DNAJC8: variants seen among roughly 807,000 people sequenced by gnomAD.
The protein encoded by DNAJC8 is dnaJ homolog subfamily C member 8.
DNAJC8 carries 24 observed loss-of-function variants against 43.2 expected under a neutral mutation model. The observed-to-expected ratio is 0.56, with a 90% CI of 0.40 to 0.78. The LOEUF (loss-of-function observed/expected upper bound fraction) is 0.78, where lower values mean the gene tolerates loss of function less well. DNAJC8 is among the 30% of genes least tolerant of loss of function. The pLI is 0.00. For synonymous variants in DNAJC8, 83 were observed against 98.0 expected, an observed-to-expected ratio of 0.85 and a Z score of 0.90; for missense variants, 207 against 299.4, an observed-to-expected ratio of 0.69 and a Z score of 2.28.
chr1:28,200,392 A>G lies in DNAJC8; in HGVS notation c.*856T>C. The stretch of plus-strand genomic sequence containing the variant: ...CTATGGTAGTTACCTTGTATATGCC[A>G]TGGCAAATCTGCCCTAAAAGCTGCT... On this transcript the variant is annotated 3_prime_UTR_variant, in exon 9 of 9. Transcript: ENST00000263697. The G allele has an allele frequency of 2.3e-6, 1 of 441,926 alleles. No individual in the cohort carries two copies. Among genetic ancestry groups the G allele is most frequent in the Admixed American group, 2.5e-5 (1 of 40,314 alleles). 27.4% of individuals were successfully genotyped at this position (441,926 alleles called of 1,614,324 possible).
At chr1:28,209,563 C>G (rs1025174987) in intron 5 of DNAJC8, among the ~76,000 whole-genome samples, 9 of 152,174 alleles carry the variant, frequency 5.9e-5, no homozygotes, top group Admixed American at 1.3e-4. Context: ...AAAGTTTACG[C>G]CTATCCTCTT....
In DNAJC8 at chr1:28,208,402, T is replaced by A. The variant is rs778494585; in HGVS notation, c.411A>T (p.Arg137=). The A allele has an allele frequency of 6.2e-7, 1 of 1,612,800 alleles. No individual in the cohort carries two copies. The highest frequency in any genetic ancestry group is 2.2e-5 in the East Asian group (1 of 44,848). ...KEYVEHTVKE[R]KKQLKKEGKP... ...TTCCTTCCTTCTTTAATTGTTTTTT[T>A]CGCTCTTTCACCTAAAAAGAATTTT... The change falls in exon 6 of 9, where the codon CGA becomes CGT. Residue 137 remains arginine (R), a synonymous_variant. Coordinates refer to ENST00000263697, the MANE Select transcript of DNAJC8 (RefSeq NM_014280.3).
intron 1 of DNAJC8, among the ~76,000 whole-genome samples, chr1:28,229,756 A>G (rs1646961157): frequency 6.6e-6 from 1 of 151,962 alleles, no homozygotes; most frequent in Non-Finnish European, 1.5e-5. Context: ...CCTGGGAGAC[A>G]CAGCGAGACT....
intron 1 of DNAJC8, among the ~76,000 whole-genome samples, chr1:28,232,310 A>G (rs1646981732): frequency 6.6e-6 from 1 of 152,116 alleles, no homozygotes; most frequent in Non-Finnish European, 1.5e-5. Context: ...CACTCAACAA[A>G]TATTTACTGA....
At chr1:28,224,847 G>A (rs1218221420) in intron 2 of DNAJC8, among the ~76,000 whole-genome samples, 3 of 152,054 alleles carry the variant, frequency 2.0e-5, no homozygotes, top group African/African-American at 7.2e-5. Flanking sequence ...TTGCGCCACT[G>A]CACTCCAGTC....
At chr1:28,216,411 A>C (rs929234840) in intron 2 of DNAJC8, among the ~76,000 whole-genome samples, 76 of 152,204 alleles carry the variant, frequency 5.0e-4, no homozygotes, top group African/African-American at 1.7e-3. Flanking sequence ...GGGGCAAACC[A>C]AAGTCCAACA....
At chr1:28,223,414 A>C (rs529322581) in intron 2 of DNAJC8, among the ~76,000 whole-genome samples, 2 of 152,236 alleles carry the variant, frequency 1.3e-5, no homozygotes, top group East Asian at 3.9e-4. Flanking sequence ...GTGGCCTGAC[A>C]TGGGAGTTCA....
intron 8 of DNAJC8, among the ~76,000 whole-genome samples, chr1:28,202,500 C>T (rs1325046877): frequency 1.3e-5 from 2 of 150,784 alleles, no homozygotes; most frequent in Non-Finnish European, 2.9e-5. Flanking sequence ...AGGATGGTTT[C>T]GATCTCCTGA....
Position 28,205,337 on chromosome 1 carries a change from C to T in DNAJC8, c.484G>A (p.Val162Ile), listed in dbSNP as rs1646761577. The change falls in exon 7 of 9, where the codon GTA becomes ATA. Residue 162 changes from valine to isoleucine, a missense_variant. Coordinates refer to ENST00000263697, the MANE Select transcript of DNAJC8 (RefSeq NM_014280.3). The stretch of plus-strand genomic sequence containing the variant: ...AAGAGTTTCATTGTCTGTTTATATA[C>T]AGCTTGTTTGAACTACAGGAAAATC... Reference protein sequence around the residue: ...EDDPELFKQAVYKQTMKLFAE... With the variant: ...EDDPELFKQAIYKQTMKLFAE... 1 of 1,607,512 alleles carries T rather than the reference C, an allele frequency of 6.2e-7. No homozygotes were observed. The highest frequency in any genetic ancestry group is 8.5e-7 in the Non-Finnish European group (1 of 1,178,376).
At chr1:28,201,711 C>G (rs12060587) in intron 8 of DNAJC8, among the ~76,000 whole-genome samples, 49,030 of 149,548 alleles carry the variant, frequency 0.33, 8,693 homozygotes, top group African/African-American at 0.46. Flanking sequence ...ATCGCTTGAG[C>G]CTGGCAGGCA....
In DNAJC8 at chr1:28,228,960, G is replaced by A. The variant is rs772817078; in HGVS notation, c.142C>T (p.Arg48Cys). The A allele has an allele frequency of 5.0e-6, 8 of 1,613,314 alleles. No homozygotes were observed. Among genetic ancestry groups the A allele is most frequent in the Non-Finnish European group, 6.8e-6 (8 of 1,179,980 alleles). Residue 48 changes from arginine (R) to cysteine (C), a missense_variant, in exon 2 of 9, where the codon CGT becomes TGT. Transcript: ENST00000263697. ...AAATTGAAGTAAGAGGAACCAGGAC[G>A]GGTCAGTCTTTCAATCTGATTTTTC... is the stretch of plus-strand genomic sequence containing the variant. Reference protein sequence around the residue: ...TSKNQIERLTRPGSSYFNLNP... With the variant: ...TSKNQIERLTCPGSSYFNLNP...
At position 28,219,954 on chromosome 1, in the gene DNAJC8, G is replaced by A. The variant is rs143683352; in HGVS notation, c.181-4958C>T. Among the ~76,000 whole-genome samples, 474 of 152,330 alleles carry A rather than the reference G, an allele frequency of 3.1e-3. 3 individuals are homozygous for A. The highest frequency in any genetic ancestry group is 0.011 in the African/African-American group (452 of 41,564). ...AGCCTCCCAAAGTGCTAGGATTACA[G>A]GCGTGAGCCACTGTGCCCGGCCTTT... On this transcript the variant is annotated intron_variant, in intron 2 of 8. Coordinates refer to ENST00000263697, the MANE Select transcript of DNAJC8 (RefSeq NM_014280.3).
chr1:28,229,664 C>T (rs569040532), intron 1 of DNAJC8, among the ~76,000 whole-genome samples: 79 of 151,884 alleles, frequency 5.2e-4, no homozygotes, highest in African/African-American at 1.9e-3. Context: ...GTCCCAGCTA[C>T]TTGGGAGGCT....
chr1:28,216,932 T>C (rs1330777135), intron 2 of DNAJC8, among the ~76,000 whole-genome samples: 1 of 150,924 alleles, frequency 6.6e-6, no homozygotes, highest in African/African-American at 2.4e-5. Flanking sequence ...CCTCAGACTC[T>C]CGAGTAGCTG....
intron 6 of DNAJC8, among the ~76,000 whole-genome samples, chr1:28,207,758 T>C (rs1646779980): frequency 6.7e-6 from 1 of 148,370 alleles, no homozygotes; most frequent in African/African-American, 2.5e-5. Context: ...AATGTTTTTT[T>C]AAAAAATAAA....
At chr1:28,209,895 T>C in intron 5 of DNAJC8, 77 bp downstream of exon 5, 1 of 1,303,132 alleles carries the variant, frequency 7.7e-7, no homozygotes, top group Middle Eastern at 2.2e-4. Flanking sequence ...CATTACTATG[T>C]TCATATGTAC....
chr1:28,231,693 G>A (rs1001682989), intron 1 of DNAJC8, among the ~76,000 whole-genome samples: 4 of 150,740 alleles, frequency 2.7e-5, no homozygotes, highest in African/African-American at 7.4e-5. Flanking sequence ...CCAGGCCTGG[G>A]CAACAAGAGC....
chr1:28,218,264 T>C (rs1340445169), intron 2 of DNAJC8, among the ~76,000 whole-genome samples: 3 of 151,656 alleles, frequency 2.0e-5, no homozygotes, highest in African/African-American at 7.3e-5. Context: ...CCCGGCTCAT[T>C]TTGTATTTTT....
intron 2 of DNAJC8, among the ~76,000 whole-genome samples, chr1:28,226,272 G>A (rs1001090245): frequency 1.3e-5 from 2 of 151,020 alleles, no homozygotes; most frequent in Non-Finnish European, 3.0e-5. Flanking sequence ...TTGAGAGGCC[G>A]AGGCAGGCAG....
Sources: gnomAD v4.1 joint callset for allele counts (sites outside exome capture counted in the v4.1 genomes callset) on GRCh38, gnomAD v4.1.1 for gene constraint, MANE v1.5 for transcripts, NCBI Gene and HGNC (gene_info 2026-07-23, HGNC 2026-07-21) for gene names.